SPMIP2: variants seen among roughly 807,000 people sequenced by gnomAD.
The protein encoded by SPMIP2 is protein SPMIP2.
the SPMIP2 span, among the ~76,000 whole-genome samples, chr4:158,964,577 G>T: frequency 2.6e-5 from 4 of 151,178 alleles, no homozygotes; most frequent in Admixed American, 2.7e-4. Context: ...ATGGCATTCG[G>T]ACTAGCATGC....
chr4:159,011,159 C>T, the SPMIP2 span, among the ~76,000 whole-genome samples: 13 of 152,190 alleles, frequency 8.5e-5, no homozygotes, highest in African/African-American at 2.9e-4. Context: ...CTTTCACTTG[C>T]CAATTTTACT....
the SPMIP2 span, among the ~76,000 whole-genome samples, chr4:159,054,614 A>G: frequency 6.6e-6 from 1 of 152,222 alleles, no homozygotes; most frequent in Non-Finnish European, 1.5e-5. Flanking sequence ...CACTGCTAAC[A>G]GAAAGCCATT....
the SPMIP2 span, among the ~76,000 whole-genome samples, chr4:159,061,084 CA>C: frequency 0.71 from 97,616 of 138,204 alleles, 33,645 homozygotes; most frequent in East Asian, 0.92. Context: ...GACCCTATCT[CA>C]AAAAAAAAAA....
the SPMIP2 span, among the ~76,000 whole-genome samples, chr4:158,928,495 C>A: frequency 6.6e-6 from 1 of 151,870 alleles, no homozygotes; most frequent in East Asian, 1.9e-4. Flanking sequence ...CTGTATCTAG[C>A]TAATCTGGTG....
chr4:159,044,359 A>G, the SPMIP2 span, among the ~76,000 whole-genome samples: 2 of 112,506 alleles, frequency 1.8e-5, no homozygotes, highest in African/African-American at 7.5e-5. Flanking sequence ...ACAGATTGAG[A>G]CTCCATCTCA....
At chr4:159,037,662 T>C in the SPMIP2 span, among the ~76,000 whole-genome samples, 1 of 151,618 alleles carries the variant, frequency 6.6e-6, no homozygotes, top group Non-Finnish European at 1.5e-5. Context: ...TCCCAGCTAC[T>C]CGGGAGGCTT....
At chr4:159,026,168 A>C in the SPMIP2 span, 4 of 396,668 alleles carry the variant, frequency 1.0e-5, no homozygotes, top group Non-Finnish European at 2.0e-5. Context: ...GTGGACAGCA[A>C]AGGCCTTGAT....
the SPMIP2 span, among the ~76,000 whole-genome samples, chr4:158,912,488 A>G: frequency 3.9e-5 from 6 of 152,258 alleles, no homozygotes; most frequent in Non-Finnish European, 7.3e-5. Flanking sequence ...AGAGACTTTC[A>G]GTGCCTGGTT....
the SPMIP2 span, chr4:158,973,373 T>G: frequency 1.8e-6 from 2 of 1,102,920 alleles, no homozygotes; most frequent in Non-Finnish European, 2.6e-6. Flanking sequence ...CTTTTGTTAT[T>G]TTAACCGTTG....
the SPMIP2 span, among the ~76,000 whole-genome samples, chr4:159,017,196 C>A: frequency 6.6e-6 from 1 of 152,124 alleles, no homozygotes; most frequent in Non-Finnish European, 1.5e-5. Context: ...AAACAGTGTA[C>A]AATGATAGGT....
chr4:159,019,160 C>A, the SPMIP2 span, among the ~76,000 whole-genome samples: 1 of 151,996 alleles, frequency 6.6e-6, no homozygotes, highest in Admixed American at 6.5e-5. Flanking sequence ...GCTGGAGTTG[C>A]CCAAATAGAC....
At chr4:158,911,384 A>AAATAAATAAATAAAAT in the SPMIP2 span, among the ~76,000 whole-genome samples, 4 of 79,210 alleles carry the variant, frequency 5.0e-5, no homozygotes, top group African/African-American at 2.0e-4. Context: ...ATAAATAAAT[A>AAATAAATAAATAAAAT]AAATAAATAA....
At chr4:158,990,061 G>T in the SPMIP2 span, among the ~76,000 whole-genome samples, 2 of 152,108 alleles carry the variant, frequency 1.3e-5, no homozygotes, top group Non-Finnish European at 2.9e-5. Flanking sequence ...TCAAAAAGCG[G>T]GTGAAGGATA....
the SPMIP2 span, among the ~76,000 whole-genome samples, chr4:158,950,682 G>T: frequency 6.6e-6 from 1 of 152,164 alleles, no homozygotes; most frequent in African/African-American, 2.4e-5. Flanking sequence ...GATCACCTGA[G>T]GTCAGGAGCT....
At chr4:159,066,543 T>C in the SPMIP2 span, among the ~76,000 whole-genome samples, 1 of 150,860 alleles carries the variant, frequency 6.6e-6, no homozygotes, top group Non-Finnish European at 1.5e-5. Context: ...TATACATGTA[T>C]TACATATATC....
At chr4:159,073,618 C>G in the SPMIP2 span, among the ~76,000 whole-genome samples, 1 of 152,166 alleles carries the variant, frequency 6.6e-6, no homozygotes, top group Non-Finnish European at 1.5e-5. Context: ...CTCTGTCCAC[C>G]CTGCTGCCAT....
the SPMIP2 span, chr4:159,035,072 G>T: frequency 1.9e-6 from 3 of 1,613,294 alleles, no homozygotes; most frequent in Non-Finnish European, 8.5e-7. Context: ...GTAGATGTTG[G>T]CTTTTGGTAT....
chr4:158,953,304 G>A, the SPMIP2 span, among the ~76,000 whole-genome samples: 1 of 152,194 alleles, frequency 6.6e-6, no homozygotes, highest in Non-Finnish European at 1.5e-5. Flanking sequence ...TGGCTGAAAG[G>A]GGCCAACATA....
the SPMIP2 span, chr4:159,034,962 TA>T: frequency 8.9e-7 from 1 of 1,123,382 alleles, no homozygotes; most frequent in Non-Finnish European, 1.3e-6. Context: ...ATCCATTATA[TA>T]AAAATCATAT....
Sources: allele counts gnomAD v4.1 joint callset (sites outside exome capture counted in the v4.1 genomes callset), GRCh38; gene constraint gnomAD v4.1.1; transcripts MANE v1.5; gene names NCBI Gene and HGNC (gene_info 2026-07-23, HGNC 2026-07-21).